Variants in PRDM1 observed in about 807,000 individuals in gnomAD.
PRDM1 encodes the protein PR/SET domain 1.
PRDM1 carries 13 observed loss-of-function variants against 62.8 expected under a neutral mutation model. That is an observed-to-expected ratio of 0.21 (90% CI 0.13 to 0.33). PRDM1 has a LOEUF of 0.33. Ranked by LOEUF, PRDM1 falls within the 10% of genes least tolerant of loss-of-function variation. PRDM1 has a pLI of 1.00. For missense variants in PRDM1, 895 were observed against 1,058.8 expected (o/e 0.85, Z 2.15); for synonymous variants, 396 against 417.6 (o/e 0.95, Z 0.63).
chr6:106,087,718 G>T, intron 1 of PRDM1: 1 of 232,640 alleles, frequency 4.3e-6, no homozygotes, highest in African/African-American at 2.2e-5. Flanking sequence ...GCTGGGTTCC[G>T]CTCCTGCACC....
upstream of PRDM1, among the ~76,000 whole-genome samples, chr6:106,048,216 CAAAAAAAAA>C (rs71006668): frequency 6.4e-5 from 7 of 110,214 alleles, no homozygotes; most frequent in South Asian, 3.1e-4. Context: ...CCATCTCTAC[CAAAAAAAAA>C]AAAAAAAAAA....
intron 1 of PRDM1, among the ~76,000 whole-genome samples, chr6:106,035,154 A>G (rs1316071073): frequency 6.6e-6 from 1 of 152,130 alleles, no homozygotes. Context: ...TCCAACTATT[A>G]TTGTAGAACT....
intron 1 of PRDM1, among the ~76,000 whole-genome samples, chr6:106,079,033 T>A (rs940414427): frequency 2.6e-5 from 4 of 152,010 alleles, no homozygotes; most frequent in Admixed American, 2.6e-4. Context: ...CGATCTCAGC[T>A]TACTGCAACC....
Position 106,017,873 on chromosome 6 carries a change from G to T in PRDM1, c.-67+24234G>T, listed in dbSNP as rs190201816. ...AAAGCCTGGGGTGGGCTGAGGGTCA[G>T]GGGGAGTGTGGGTGGGAAAGTTCTT... On this transcript the variant is annotated intron_variant, in intron 1 of 6. Coordinates refer to the PRDM1 transcript ENST00000652320. 3.9e-5 allele frequency among the ~76,000 whole-genome samples: 6 copies of T among 152,282 alleles called. No individual in the cohort carries two copies. The East Asian group carries it at 1.2e-3, about 29-fold the overall frequency.
chr6:106,088,195 T>C lies in PRDM1; in HGVS notation c.43-6T>C. The C allele has an allele frequency of 6.3e-7, 1 of 1,596,444 alleles. No homozygotes were observed. Among genetic ancestry groups the C allele is most frequent in the Non-Finnish European group, 8.5e-7 (1 of 1,170,922 alleles). On this transcript the variant is annotated splice_polypyrimidine_tract_variant and splice_region_variant and intron_variant, in intron 1 of 6. Coordinates refer to ENST00000369096, the MANE Select transcript of PRDM1 (RefSeq NM_001198.4). ...GGGGATTAAAGGCCTTTCCTTTCTC[T>C]TCCAGGCTGCCCCCAAGTGTAACTC...
At chr6:106,035,725 A>G (rs1038082754) in intron 1 of PRDM1, among the ~76,000 whole-genome samples, 2 of 152,170 alleles carry the variant, frequency 1.3e-5, no homozygotes, top group Non-Finnish European at 2.9e-5. Flanking sequence ...ATATATTTCT[A>G]TCCTTTCACT....
At chr6:106,019,637 CTT>C (rs754946092) in intron 1 of PRDM1, among the ~76,000 whole-genome samples, 6 of 132,892 alleles carry the variant, frequency 4.5e-5, no homozygotes, top group Non-Finnish European at 4.9e-5. Context: ...TTTTTCTTTT[CTT>C]TTTTTTTTTT....
upstream of PRDM1, among the ~76,000 whole-genome samples, chr6:106,082,934 T>C (rs948038811): frequency 2.6e-5 from 4 of 152,162 alleles, no homozygotes; most frequent in Non-Finnish European, 4.4e-5. Context: ...ACATAGCATG[T>C]GTCATACATA....
chr6:106,042,019 G>A (rs1582435571), intron 1 of PRDM1, among the ~76,000 whole-genome samples: 1 of 151,084 alleles, frequency 6.6e-6, no homozygotes, highest in African/African-American at 2.4e-5. Flanking sequence ...TATTTCCCAG[G>A]CTGATCACAA....
Position 106,075,251 on chromosome 6 carries a change from A to G in PRDM1, c.-66-12950A>G, listed in dbSNP as rs117763854. 1.6e-3 allele frequency among the ~76,000 whole-genome samples: 240 copies of G among 152,330 alleles called. 1 individual carries two copies. The highest frequency in any genetic ancestry group is 8.1e-3 in the South Asian group (39 of 4,820). ...GCCGTATTTAAAGTAAGGACAGTCTATTATTTTCAGTGGCTTCATTTCCAA... is the reference window on the plus strand; with the variant it reads ...GCCGTATTTAAAGTAAGGACAGTCTGTTATTTTCAGTGGCTTCATTTCCAA... On this transcript the variant is annotated intron_variant, in intron 1 of 6. Coordinates refer to the PRDM1 transcript ENST00000651185.
intron 1 of PRDM1, among the ~76,000 whole-genome samples, chr6:106,070,722 A>G (rs1773496064): frequency 6.6e-6 from 1 of 152,164 alleles, no homozygotes; most frequent in Non-Finnish European, 1.5e-5. Flanking sequence ...CCATCTCTTT[A>G]TATTTTCCTC....
intron 1 of PRDM1, among the ~76,000 whole-genome samples, chr6:106,013,581 G>C (rs1640751642): frequency 1.3e-5 from 2 of 152,028 alleles, no homozygotes; most frequent in South Asian, 4.1e-4. Flanking sequence ...ACCCACCTTG[G>C]CCTCCCAAAG....
At chr6:105,997,631 ATATGCC>A (rs1772363541) in intron 1 of PRDM1, among the ~76,000 whole-genome samples, 1 of 152,210 alleles carries the variant, frequency 6.6e-6, no homozygotes, top group African/African-American at 2.4e-5. Context: ...CAACTCACTT[ATATGCC>A]TTTTTTAAGG....
chr6:106,106,048 G>C lies in PRDM1; in HGVS notation c.1773+115G>C. On this transcript the variant is annotated intron_variant, in intron 5 of 6. Transcript: ENST00000369096. This position sits in a 1 kb window ranked among gnomAD's most constrained non-coding sequence, Gnocchi z 4.4. Reference sequence around the variant, plus strand: ...TGCAGTAGTATGAGCCCCCGGTTGGGGATAGTGGGTATGGATTCCGCCTGG... The same window carrying C: ...TGCAGTAGTATGAGCCCCCGGTTGGCGATAGTGGGTATGGATTCCGCCTGG... The C allele has an allele frequency of 1.4e-6, 2 of 1,434,286 alleles. No homozygotes were observed. Among genetic ancestry groups the C allele is most frequent in the Non-Finnish European group, 9.3e-7 (1 of 1,079,684 alleles). 88.8% of individuals were successfully genotyped at this position (1,434,286 alleles called of 1,614,324 possible).
In PRDM1 at chr6:106,105,770, C is replaced by T. The variant is rs752218761; in HGVS notation, c.1610C>T (p.Ala537Val). The change falls in exon 5 of 7, where the codon GCG (alanine) becomes GTG (valine). Residue 537 changes from alanine to valine, a missense_variant. Physicochemically the swap from Ala to Val is moderately conservative, Grantham distance 64. Coordinates refer to ENST00000369096, the MANE Select transcript of PRDM1 (RefSeq NM_001198.4). ...HVVQPKATSA[A>V]MAAPSSDEAM... ...GTGCAGCCCAAAGCTACCTCAGCAG[C>T]GATGGCAGCCCCCAGCAGCGACGAA... The T allele has an allele frequency of 1.9e-6, 3 of 1,614,058 alleles. No homozygotes were observed. Among genetic ancestry groups the T allele is most frequent in the East Asian group, 2.2e-5 (1 of 44,900 alleles).
intron 1 of PRDM1, among the ~76,000 whole-genome samples, chr6:106,038,253 G>A (rs187553109): frequency 6.6e-6 from 1 of 151,938 alleles, no homozygotes; most frequent in Admixed American, 6.6e-5. Flanking sequence ...CCAAAGTGCT[G>A]GGATTATAGG....
chr6:106,064,567 G>A (rs780459306), intron 1 of PRDM1, among the ~76,000 whole-genome samples: 44 of 152,300 alleles, frequency 2.9e-4, no homozygotes, highest in Middle Eastern at 3.4e-3. Context: ...GTCTGAGGGC[G>A]TGCGGCCCAG....
Position 106,086,567 on chromosome 6 carries a change from G to T in PRDM1, c.14G>T (p.Cys5Phe), listed in dbSNP as rs1354197958. 6 of 1,551,896 alleles carry T rather than the reference G, an allele frequency of 3.9e-6. No individual in the cohort carries two copies. The African/African-American group carries it at 6.8e-5, about 18-fold the overall frequency. Residue 5 changes from cysteine to phenylalanine, a missense_variant, in exon 1 of 7, where the codon TGC becomes TTC. Physicochemically the swap from Cys to Phe is radical, Grantham distance 205 (BLOSUM62 -2). Coordinates refer to ENST00000369096, the MANE Select transcript of PRDM1 (RefSeq NM_001198.4). MLDI[C>F]LEKRVGTTLA... ...GACTTTTCTCAGATGTTGGATATTTGCTTGGAAAAACGTGTGGGTACGACC... is the reference window on the plus strand; with the variant it reads ...GACTTTTCTCAGATGTTGGATATTTTCTTGGAAAAACGTGTGGGTACGACC...
At chr6:106,024,779 G>A (rs1165414451) in intron 1 of PRDM1, among the ~76,000 whole-genome samples, 1 of 152,020 alleles carries the variant, frequency 6.6e-6, no homozygotes, top group African/African-American at 2.4e-5. Context: ...TTTTCAGGAG[G>A]TTATTTGCCG....
Sources: gnomAD v4.1 joint callset for allele counts (sites outside exome capture counted in the v4.1 genomes callset) on GRCh38, gnomAD v4.1.1 for gene constraint, Gnocchi (gnomAD v3.1) non-coding constraint, MANE v1.5 for transcripts, NCBI Gene and HGNC (gene_info 2026-07-23, HGNC 2026-07-21) for gene names.